The following HEATR5A variants were observed in gnomAD, a reference collection of about 807,000 sequenced individuals.
HEATR5A encodes HEAT repeat-containing protein 5A.
In HEATR5A, 178 loss-of-function variants were observed where a neutral mutation model predicts 218.8. The ratio of observed to expected loss-of-function variants is 0.81; its 90% CI spans 0.72 to 0.92. The LOEUF (loss-of-function observed/expected upper bound fraction) is 0.92. Among genes scored for constraint, HEATR5A ranks in the 40% least tolerant of loss-of-function variants. The pLI is 0.00. For missense variants in HEATR5A, 2,420 were observed against 2,418.9 expected (o/e 1.00, Z -0.01); for synonymous variants, 864 against 871.6 (o/e 0.99, Z 0.15).
At position 31,366,722 on chromosome 14, in the gene HEATR5A, C is replaced by T. The variant is rs576791516; in HGVS notation, c.1962-2424G>A. On this transcript the variant is annotated intron_variant, in intron 13 of 35. Transcript: ENST00000543095. ...AGACTTTTCTGAGGCCAACCAGCCCCTATGCCAATAAAAGCAAGCAAACAT... is the reference window on the plus strand; with the variant it reads ...AGACTTTTCTGAGGCCAACCAGCCCTTATGCCAATAAAAGCAAGCAAACAT... Among the ~76,000 whole-genome samples the T allele has an allele frequency of 2.6e-4, 40 of 152,232 alleles. No individual in the cohort carries two copies. In the South Asian group the frequency reaches 7.9e-3, roughly 30 times the overall value.
intron 21 of HEATR5A, among the ~76,000 whole-genome samples, chr14:31,339,218 G>A (rs1900763260): frequency 6.6e-6 from 1 of 151,580 alleles, no homozygotes; most frequent in Non-Finnish European, 1.5e-5. Context: ...GGGAGGCCGA[G>A]GCAGGTGGAT....
chr14:31,417,623 G>A (rs1276300837), intron 1 of HEATR5A, among the ~76,000 whole-genome samples: 1 of 150,654 alleles, frequency 6.6e-6, no homozygotes, highest in African/African-American at 2.4e-5. Context: ...GGTGGCACGC[G>A]CCTATAATCC....
intron 21 of HEATR5A, among the ~76,000 whole-genome samples, chr14:31,338,871 C>T (rs778248885): frequency 1.1e-4 from 17 of 152,030 alleles, no homozygotes; most frequent in Non-Finnish European, 2.1e-4. Flanking sequence ...AACGCTAGCA[C>T]TTTGGGAGGC....
chr14:31,338,025 G>C (rs140893663), intron 21 of HEATR5A, among the ~76,000 whole-genome samples: 273 of 152,220 alleles, frequency 1.8e-3, no homozygotes, highest in African/African-American at 5.8e-3. Flanking sequence ...CATCCATATA[G>C]GCAATACAGC....
chr14:31,407,495 A>C (rs2031111587), intron 1 of HEATR5A, among the ~76,000 whole-genome samples: 1 of 152,150 alleles, frequency 6.6e-6, no homozygotes, highest in Admixed American at 6.5e-5. Context: ...ATTAGTCAAA[A>C]TGCTGCCAGC....
At position 31,402,865 on chromosome 14, in the gene HEATR5A, CA is replaced by C; in HGVS notation, c.110del (p.Leu37CysfsTer9). The C allele has an allele frequency of 6.5e-7, 1 of 1,536,554 alleles. No homozygotes were observed. Among genetic ancestry groups the C allele is most frequent in the Non-Finnish European group, 8.7e-7 (1 of 1,146,948 alleles). ...FEWLRYLEKL[L>X]LATSRNDVRE... ...TTTTACCCACCCTGCTGGTTGCCAA[CA>C]AGAGCTTCTCCAAGTATCTCAACCA... On this transcript the variant is annotated frameshift_variant, in exon 2 of 36. Coordinates refer to ENST00000543095, the MANE Select transcript of HEATR5A (RefSeq NM_015473.4). LOFTEE classifies it high-confidence loss of function.
At chr14:31,303,304 G>A (rs1487125733) in intron 32 of HEATR5A, among the ~76,000 whole-genome samples, 3 of 151,970 alleles carry the variant, frequency 2.0e-5, no homozygotes, top group East Asian at 1.9e-4. Flanking sequence ...GTGGTGGCAC[G>A]CGCCTGTAGT....
intron 26 of HEATR5A, 42 bp from the exon 27 acceptor site, chr14:31,315,991 G>A (rs1448268584): frequency 3.5e-6 from 5 of 1,447,392 alleles, no homozygotes; most frequent in Non-Finnish European, 4.6e-6. Flanking sequence ...AAAATTATAA[G>A]TATCTCCCTT....
intron 30 of HEATR5A, 86 bp downstream of exon 30, chr14:31,307,807 A>C (rs1899603245): frequency 6.9e-7 from 1 of 1,455,142 alleles, no homozygotes; most frequent in African/African-American, 1.4e-5. Context: ...CTGTGTGTTT[A>C]CTTTCTGTTA....
intron 16 of HEATR5A, among the ~76,000 whole-genome samples, chr14:31,356,710 A>T (rs1370417795): frequency 1.3e-5 from 2 of 152,134 alleles, no homozygotes; most frequent in Non-Finnish European, 1.5e-5. Flanking sequence ...GGATACAAAA[A>T]CTATGAGCAC....
chr14:31,323,461 T>G, intron 24 of HEATR5A, 104 bp downstream of exon 24: 5 of 886,498 alleles, frequency 5.6e-6, no homozygotes, highest in Non-Finnish European at 7.9e-6. Flanking sequence ...TGTGTCTGGC[T>G]AGTTTCATTT....
intron 13 of HEATR5A, among the ~76,000 whole-genome samples, chr14:31,366,045 A>C (rs565968868): frequency 3.9e-5 from 6 of 152,296 alleles, no homozygotes; most frequent in African/African-American, 1.4e-4. Context: ...TTATCACTGA[A>C]TATTTTAAAA....
chr14:31,339,147 A>ATATG (rs568745725), intron 21 of HEATR5A, among the ~76,000 whole-genome samples: 102 of 149,900 alleles, frequency 6.8e-4, no homozygotes, highest in East Asian at 5.9e-3. Flanking sequence ...AAACATATAT[A>ATATG]TATGTATGTA....
intron 6 of HEATR5A, among the ~76,000 whole-genome samples, chr14:31,391,008 T>C (rs2030431815): frequency 6.6e-6 from 1 of 152,154 alleles, no homozygotes; most frequent in African/African-American, 2.4e-5. Context: ...ACAGTGAGAT[T>C]GATGGTTCTG....
At chr14:31,407,994 T>C (rs1306206976) in intron 1 of HEATR5A, among the ~76,000 whole-genome samples, 2 of 152,234 alleles carry the variant, frequency 1.3e-5, no homozygotes, top group Admixed American at 6.5e-5. Flanking sequence ...AAACATTGTA[T>C]GTGCTTACCC....
At chr14:31,387,945 C>T (rs1224624413) in intron 7 of HEATR5A, among the ~76,000 whole-genome samples, 4 of 152,176 alleles carry the variant, frequency 2.6e-5, no homozygotes, top group Non-Finnish European at 4.4e-5. Flanking sequence ...GGATAGTCAG[C>T]ATACCCAGCT....
At chr14:31,416,259 G>C (rs1407310153) in intron 1 of HEATR5A, among the ~76,000 whole-genome samples, 1 of 152,136 alleles carries the variant, frequency 6.6e-6, no homozygotes, top group Non-Finnish European at 1.5e-5. Flanking sequence ...TGGGATTACA[G>C]GCACCGGCCA....
At chr14:31,360,355 AT>A (rs950135258) in intron 14 of HEATR5A, among the ~76,000 whole-genome samples, 3 of 152,186 alleles carry the variant, frequency 2.0e-5, no homozygotes, top group African/African-American at 7.2e-5. Flanking sequence ...TTTAAAAAAA[AT>A]AAATTGGTAG....
At position 31,294,036 on chromosome 14, in the gene HEATR5A, T is replaced by G; in HGVS notation, c.5688A>C (p.Pro1896=). ...FQYPNPAVSY[P]YIYSLASCIM... ...TACAGGATGCTAAAGAGTAAATGTA[T>G]GGGTAGGAAACAGCTGGATTTGGAT... The change falls in exon 35 of 36, where the codon CCA becomes CCC. Residue 1896 remains proline, a synonymous_variant. Transcript: ENST00000543095. The G allele has an allele frequency of 6.2e-7, 1 of 1,604,282 alleles. No homozygotes were observed. The highest frequency in any genetic ancestry group is 8.5e-7 in the Non-Finnish European group (1 of 1,175,142).
Sources: gnomAD v4.1 joint callset for allele counts (sites outside exome capture counted in the v4.1 genomes callset) on GRCh38, gnomAD v4.1.1 for gene constraint, MANE v1.5 for transcripts, NCBI Gene and HGNC (gene_info 2026-07-23, HGNC 2026-07-21) for gene names.